SNX24: variants seen among roughly 807,000 people sequenced by gnomAD.
SNX24 encodes sorting nexin-24.
In SNX24, 22 loss-of-function variants were observed where a neutral mutation model predicts 28.7. That is an observed-to-expected ratio of 0.77 (90% CI 0.55 to 1.10). The LOEUF (loss-of-function observed/expected upper bound fraction) is 1.10. Ranked by LOEUF, SNX24 falls within the 50% of genes least tolerant of loss-of-function variation. The pLI, the probability that SNX24 is intolerant of heterozygous loss-of-function variation, is 0.00. For synonymous variants in SNX24, 69 were observed against 71.5 expected, an observed-to-expected ratio of 0.96 and a Z score of 0.18; for missense variants, 221 against 201.1, an observed-to-expected ratio of 1.10 and a Z score of -0.60.
downstream of SNX24, among the ~76,000 whole-genome samples, chr5:123,014,019 C>G (rs1293160048): frequency 6.6e-6 from 1 of 152,188 alleles, no homozygotes; most frequent in Non-Finnish European, 1.5e-5. Context: ...CTCATTGAAG[C>G]TTCACAACAT....
intron 1 of SNX24, among the ~76,000 whole-genome samples, chr5:122,913,053 C>T (rs936952710): frequency 6.6e-6 from 1 of 152,160 alleles, no homozygotes; most frequent in Non-Finnish European, 1.5e-5. Context: ...TCAACAGGAT[C>T]CCAAGGCAGA....
At chr5:122,897,197 G>A (rs1219964785) in intron 1 of SNX24, among the ~76,000 whole-genome samples, 2 of 152,112 alleles carry the variant, frequency 1.3e-5, no homozygotes, top group Non-Finnish European at 1.5e-5. Flanking sequence ...AGGTGTCACT[G>A]TGTACATTAA....
chr5:122,969,964 C>T (rs1398700527), intron 3 of SNX24, among the ~76,000 whole-genome samples: 1 of 152,064 alleles, frequency 6.6e-6, no homozygotes, highest in Non-Finnish European at 1.5e-5. Flanking sequence ...AATCTGGGCC[C>T]TTCTTAGTTC....
chr5:123,009,755 G>GA (rs1186078693), downstream of SNX24, among the ~76,000 whole-genome samples: 1 of 152,224 alleles, frequency 6.6e-6, no homozygotes, highest in African/African-American at 2.4e-5. Context: ...AATGCTTACA[G>GA]AATCTGTTGG....
intron 1 of SNX24, among the ~76,000 whole-genome samples, chr5:122,863,607 G>A (rs1017781920): frequency 2.0e-5 from 3 of 151,514 alleles, no homozygotes; most frequent in African/African-American, 7.3e-5. Flanking sequence ...ATCATGACTT[G>A]CTGCAGCCTT....
intron 3 of SNX24, among the ~76,000 whole-genome samples, chr5:122,998,651 C>G (rs1432232112): frequency 6.6e-6 from 1 of 152,158 alleles, no homozygotes; most frequent in Non-Finnish European, 1.5e-5. Flanking sequence ...GGACAGAGGG[C>G]AGCCTAGGAG....
chr5:122,913,988 C>T (rs1274335170), intron 1 of SNX24, among the ~76,000 whole-genome samples: 1 of 152,164 alleles, frequency 6.6e-6, no homozygotes, highest in Non-Finnish European at 1.5e-5. Context: ...CGCGCACCTG[C>T]AATCGCAGGC....
chr5:122,949,800 A>G (rs1449060245), intron 3 of SNX24, among the ~76,000 whole-genome samples: 1 of 152,188 alleles, frequency 6.6e-6, no homozygotes, highest in Non-Finnish European at 1.5e-5. Flanking sequence ...ATTAGAAACA[A>G]ATTCTAAAAC....
intron 3 of SNX24, among the ~76,000 whole-genome samples, chr5:122,975,261 C>T (rs756824076): frequency 3.9e-5 from 6 of 152,186 alleles, no homozygotes; most frequent in Non-Finnish European, 8.8e-5. Context: ...AACTTTAGCT[C>T]AATCCTCCTT....
At chr5:122,955,622 C>T (rs1485247771) in intron 3 of SNX24, among the ~76,000 whole-genome samples, 4 of 152,176 alleles carry the variant, frequency 2.6e-5, no homozygotes, top group Non-Finnish European at 2.9e-5. Context: ...ACTTGGCCCT[C>T]GTTGATACCT....
intron 3 of SNX24, among the ~76,000 whole-genome samples, chr5:122,949,067 A>C (rs1759820874): frequency 6.6e-6 from 1 of 152,234 alleles, no homozygotes; most frequent in Non-Finnish European, 1.5e-5. Context: ...TAACTTAAAA[A>C]CAAGAAAGGT....
At chr5:122,964,138 G>T (rs1053574448) in intron 3 of SNX24, among the ~76,000 whole-genome samples, 2 of 151,098 alleles carry the variant, frequency 1.3e-5, no homozygotes, top group African/African-American at 4.9e-5. Context: ...AGCTACTTGG[G>T]AGGCTGAGGC....
At chr5:122,943,894 C>G (rs1759569275) in intron 2 of SNX24, among the ~76,000 whole-genome samples, 1 of 152,178 alleles carries the variant, frequency 6.6e-6, no homozygotes, top group Non-Finnish European at 1.5e-5. Context: ...GTCATCTCCT[C>G]TATTTCCACA....
At chr5:122,989,853 GTTT>G (rs930114736) in intron 3 of SNX24, among the ~76,000 whole-genome samples, 1 of 152,166 alleles carries the variant, frequency 6.6e-6, no homozygotes, top group Admixed American at 6.5e-5. Context: ...GGGTACATAT[GTTT>G]TTCTTTCCCT....
intron 2 of SNX24, among the ~76,000 whole-genome samples, chr5:122,940,924 A>G (rs1759417949): frequency 6.6e-6 from 1 of 152,114 alleles, no homozygotes; most frequent in African/African-American, 2.4e-5. Context: ...TCTAGAAGAG[A>G]ATCTGTTTCC....
chr5:123,010,851 A>ATT (rs202153061), downstream of SNX24, among the ~76,000 whole-genome samples: 2 of 140,968 alleles, frequency 1.4e-5, no homozygotes, highest in Non-Finnish European at 3.3e-5. Flanking sequence ...ATTGCTTTCT[A>ATT]TTTTTTTTTA....
At chr5:122,917,001 G>C (rs569786067) in intron 1 of SNX24, among the ~76,000 whole-genome samples, 3 of 152,186 alleles carry the variant, frequency 2.0e-5, no homozygotes, top group Non-Finnish European at 4.4e-5. Flanking sequence ...GGGCGCGGTG[G>C]CTCACGCCTG....
At chr5:122,958,729 T>TTG (rs1024200419) in intron 3 of SNX24, among the ~76,000 whole-genome samples, 1 of 151,326 alleles carries the variant, frequency 6.6e-6, no homozygotes, top group African/African-American at 2.4e-5. Flanking sequence ...TTAAATTTTT[T>TTG]TTGTATTTTT....
chr5:122,906,162 G>T (rs960035371), intron 1 of SNX24, among the ~76,000 whole-genome samples: 10 of 152,166 alleles, frequency 6.6e-5, no homozygotes, highest in Non-Finnish European at 1.3e-4. Flanking sequence ...AAAGTACAAG[G>T]TGGTAGTATA....
Sources: gnomAD v4.1 joint callset for allele counts (sites outside exome capture counted in the v4.1 genomes callset) on GRCh38, gnomAD v4.1.1 for gene constraint, MANE v1.5 for transcripts, NCBI Gene and HGNC (gene_info 2026-07-23, HGNC 2026-07-21) for gene names.